The following AEBP2 variants were observed in gnomAD, a reference collection of about 807,000 sequenced individuals.
AEBP2 encodes the protein AE binding protein 2.
AEBP2 carries 10 observed loss-of-function variants against 50.8 expected under a neutral mutation model. The ratio of observed to expected loss-of-function variants is 0.20; its 90% CI spans 0.12 to 0.33. The LOEUF (loss-of-function observed/expected upper bound fraction) is 0.33. Ranked by LOEUF, AEBP2 falls within the 10% of genes least tolerant of loss-of-function variation. The pLI, the probability that AEBP2 is intolerant of heterozygous loss-of-function variation, is 1.00. For missense variants in AEBP2, 570 were observed against 688.0 expected (o/e 0.83, Z 1.92); for synonymous variants, 296 against 261.3 (o/e 1.13, Z -1.28).
chr12:19,473,919 G>C (rs960339756), intron 3 of AEBP2, among the ~76,000 whole-genome samples: 1 of 152,082 alleles, frequency 6.6e-6, no homozygotes, highest in Admixed American at 6.6e-5. Context: ...CTTGAAAATA[G>C]CTAGTGGGTA....
chr12:19,467,011 T>C (rs1441804656), intron 2 of AEBP2, among the ~76,000 whole-genome samples: 1 of 152,234 alleles, frequency 6.6e-6, no homozygotes, highest in Non-Finnish European at 1.5e-5. Context: ...TGGACTTCTT[T>C]GGAGGCTGAA....
In AEBP2 at chr12:19,462,501, C is replaced by T. The variant is rs1329085694; in HGVS notation, c.672-9C>T. On this transcript the variant is annotated splice_polypyrimidine_tract_variant and intron_variant, in intron 1 of 7. Transcript: ENST00000266508. ...TAGGAATAACACAGCCTTTTTTCTT[C>T]TTTTGTAGCATAAGCAGTACTATAA... 21 of 1,592,328 alleles carry T rather than the reference C, an allele frequency of 1.3e-5. No individual in the cohort carries two copies. The Admixed American group carries it at 1.4e-4, about 11-fold the overall frequency.
intron 1 of AEBP2, among the ~76,000 whole-genome samples, chr12:19,443,160 G>C (rs1823680150): frequency 6.6e-6 from 1 of 150,842 alleles, no homozygotes; most frequent in African/African-American, 2.4e-5. Context: ...GCAGTGGTAC[G>C]ATCTCGGCTC....
upstream of AEBP2, among the ~76,000 whole-genome samples, chr12:19,438,675 C>G (rs1025425726): frequency 6.6e-6 from 1 of 152,150 alleles, no homozygotes; most frequent in Non-Finnish European, 1.5e-5. Context: ...TTTATGTTCA[C>G]ATTTTTATTA....
In AEBP2 at chr12:19,428,397, G is replaced by A. The variant is rs377139671; in HGVS notation, c.-17+24181G>A. ...TCTCCAATGTGGTGATGGTATGCAT[G>A]GCTGAGGTTGCTTCACCTTCACCAT... On this transcript the variant is annotated intron_variant, in intron 1 of 3. Coordinates refer to the AEBP2 transcript ENST00000538425. Among the ~76,000 whole-genome samples, 286 of 152,326 alleles carry A rather than the reference G, an allele frequency of 1.9e-3. 11 individuals carry two copies. In the South Asian group the frequency reaches 0.057, roughly 30 times the overall value.
intron 1 of AEBP2, among the ~76,000 whole-genome samples, chr12:19,445,354 G>A (rs6486957): frequency 0.85 from 127,490 of 150,852 alleles, 54,145 homozygotes; most frequent in African/African-American, 0.92. Context: ...GCATGCCACC[G>A]TGCCCTGCTC....
intron 1 of AEBP2, among the ~76,000 whole-genome samples, chr12:19,444,070 A>G (rs1427116661): frequency 2.6e-5 from 4 of 152,168 alleles, no homozygotes; most frequent in Non-Finnish European, 5.9e-5. Context: ...CTTTACTCTG[A>G]ACTTTTTTTC....
chr12:19,440,567 A>C, intron 1 of AEBP2, 197 bp downstream of exon 1: 1 of 1,407,126 alleles, frequency 7.1e-7, no homozygotes, highest in South Asian at 1.5e-5. Context: ...CCAACTCTCA[A>C]ACCGTTCCCC....
intron 5 of AEBP2, among the ~76,000 whole-genome samples, chr12:19,504,053 G>C (rs1043832534): frequency 3.9e-5 from 6 of 152,066 alleles, no homozygotes; most frequent in African/African-American, 1.4e-4. Flanking sequence ...ACCTTGTCTT[G>C]TTTATGGACT....
intron 3 of AEBP2, among the ~76,000 whole-genome samples, chr12:19,486,378 A>G (rs1948809551): frequency 6.6e-6 from 1 of 152,016 alleles, no homozygotes. Context: ...GTTTCCAATC[A>G]TTGGCTGCTA....
At chr12:19,430,295 G>A (rs1289650523) in intron 1 of AEBP2, among the ~76,000 whole-genome samples, 2 of 152,068 alleles carry the variant, frequency 1.3e-5, no homozygotes, top group Non-Finnish European at 2.9e-5. Context: ...TAGATATGTG[G>A]CATTATTTCT....
At chr12:19,417,760 A>C (rs941472985) in intron 1 of AEBP2, among the ~76,000 whole-genome samples, 1 of 150,308 alleles carries the variant, frequency 6.7e-6, no homozygotes, top group African/African-American at 2.5e-5. Flanking sequence ...GCTGGAGTGC[A>C]GTGGCACGAT....
upstream of AEBP2, among the ~76,000 whole-genome samples, chr12:19,439,228 C>T (rs528472718): frequency 1.3e-5 from 2 of 152,342 alleles, no homozygotes; most frequent in Admixed American, 6.5e-5. Context: ...TCCTCAAACA[C>T]CCCCGGAATG....
chr12:19,443,251 C>T (rs1203135546), intron 1 of AEBP2, among the ~76,000 whole-genome samples: 1 of 151,806 alleles, frequency 6.6e-6, no homozygotes, highest in Admixed American at 6.6e-5. Flanking sequence ...TGAGTGCCAC[C>T]ACCCCTGGCT....
chr12:19,518,215 CTTCTT>C lies in AEBP2; in HGVS notation c.*101_*105del. 1 of 1,273,514 alleles carries C rather than the reference CTTCTT, an allele frequency of 7.9e-7. No homozygotes were observed. Among genetic ancestry groups the C allele is most frequent in the South Asian group, 2.4e-5 (1 of 41,728 alleles). 78.9% of individuals were successfully genotyped at this position (1,273,514 alleles called of 1,614,324 possible). On this transcript the variant is annotated 3_prime_UTR_variant, in exon 8 of 8. Transcript: ENST00000266508. ...GAAAGTTGCACATTAGAGTCAACCC[CTTCTT>C]TTTTTTTTTTTTTTTTTTAAATCCA...
rs569433585 is a variant in AEBP2 at position 19,421,927 on chromosome 12, A to C, written c.-17+17711A>C. 2.6e-5 allele frequency among the ~76,000 whole-genome samples: 4 copies of C among 152,310 alleles called. No homozygotes were observed. The East Asian group carries it at 7.7e-4, about 29-fold the overall frequency. On this transcript the variant is annotated intron_variant, in intron 1 of 3. Transcript: ENST00000538425. ...CACTTTGGGAGGCTGAGACAGGTGG[A>C]TCACAGGAGTTCGAGACTAGCTTGG...
intron 1 of AEBP2, chr12:19,457,753 C>T: frequency 1.8e-6 from 1 of 541,986 alleles, no homozygotes; most frequent in Non-Finnish European, 2.8e-6. Flanking sequence ...TCCTACTAGT[C>T]AAAATGTCAC....
chr12:19,461,445 T>A (rs1386971776), intron 1 of AEBP2, among the ~76,000 whole-genome samples: 1 of 152,230 alleles, frequency 6.6e-6, no homozygotes, highest in Non-Finnish European at 1.5e-5. Flanking sequence ...TACTTTATTT[T>A]ATTTTTTGAG....
chr12:19,480,031 T>C (rs553759245), intron 3 of AEBP2, among the ~76,000 whole-genome samples: 1 of 152,244 alleles, frequency 6.6e-6, no homozygotes, highest in African/African-American at 2.4e-5. Context: ...TGTTGTTGCC[T>C]TAATAGCTGT....
Sources: gnomAD v4.1 joint callset for allele counts (sites outside exome capture counted in the v4.1 genomes callset) on GRCh38, gnomAD v4.1.1 for gene constraint, MANE v1.5 for transcripts, NCBI Gene and HGNC (gene_info 2026-07-23, HGNC 2026-07-21) for gene names.